RBPMS: variants seen among roughly 807,000 people sequenced by gnomAD.
RBPMS encodes the protein RNA-binding protein with multiple splicing.
In RBPMS, 7 loss-of-function variants were observed where a neutral mutation model predicts 26.8. That is an observed-to-expected ratio of 0.26 (90% CI 0.15 to 0.49). The LOEUF is 0.49. Among genes scored for constraint, RBPMS ranks in the 20% least tolerant of loss-of-function variants. The pLI, the probability that RBPMS is intolerant of heterozygous loss-of-function variation, is 0.98. For synonymous variants in RBPMS, 96 were observed against 93.3 expected (o/e 1.03, Z -0.17); for missense variants, 186 against 250.0 (o/e 0.74, Z 1.73).
At chr8:30,386,502 T>C (rs1250936414) in intron 1 of RBPMS, among the ~76,000 whole-genome samples, 1 of 152,260 alleles carries the variant, frequency 6.6e-6, no homozygotes, top group Non-Finnish European at 1.5e-5. Context: ...TCTATTTTAT[T>C]ATAAAAGACT....
Position 30,470,082 on chromosome 8 carries a change from A to C in RBPMS, c.67-4697A>C, listed in dbSNP as rs73568118. 7.3e-3 allele frequency among the ~76,000 whole-genome samples: 1,106 copies of C among 152,200 alleles called. 9 individuals are homozygous for C. The highest frequency in any genetic ancestry group is 0.024 in the African/African-American group (1,016 of 41,532). On this transcript the variant is annotated intron_variant, in intron 1 of 8. Coordinates refer to ENST00000397323, the MANE Select transcript of RBPMS (RefSeq NM_001008710.3). ...AAGAGTAGAGAAACTAAAATGTTTT[A>C]AAATATTTCTGTGATTCTAGGCCGG...
chr8:30,414,758 T>G (rs905141075), intron 1 of RBPMS, among the ~76,000 whole-genome samples: 1 of 152,120 alleles, frequency 6.6e-6, no homozygotes, highest in African/African-American at 2.4e-5. Context: ...GAAAATAAAG[T>G]ATGAGGAAGG....
intron 1 of RBPMS, among the ~76,000 whole-genome samples, chr8:30,451,438 C>T (rs181239995): frequency 4.5e-4 from 69 of 152,240 alleles, no homozygotes; most frequent in African/African-American, 1.6e-3. Flanking sequence ...TGTTTTGATA[C>T]AGGTCGTGTG....
At chr8:30,511,973 C>T (rs1315378029) in intron 5 of RBPMS, among the ~76,000 whole-genome samples, 1 of 152,132 alleles carries the variant, frequency 6.6e-6, no homozygotes, top group Non-Finnish European at 1.5e-5. Flanking sequence ...CTAAAACTAA[C>T]ATAGGAATGT....
intron 5 of RBPMS, among the ~76,000 whole-genome samples, chr8:30,522,583 A>G (rs1344834674): frequency 6.6e-6 from 1 of 152,218 alleles, no homozygotes; most frequent in Non-Finnish European, 1.5e-5. Context: ...TAAACAATAT[A>G]TGTCAATTTT....
intron 1 of RBPMS, among the ~76,000 whole-genome samples, chr8:30,470,708 A>G (rs1426146238): frequency 6.6e-6 from 1 of 152,206 alleles, no homozygotes; most frequent in Non-Finnish European, 1.5e-5. Flanking sequence ...ATGAGATTCT[A>G]GGTAACCTAA....
intron 4 of RBPMS, among the ~76,000 whole-genome samples, chr8:30,486,223 T>C (rs1033170297): frequency 2.0e-5 from 3 of 151,948 alleles, no homozygotes; most frequent in Admixed American, 2.0e-4. Flanking sequence ...TGGTAGCCTG[T>C]AATTCCCTTA....
intron 8 of RBPMS, among the ~76,000 whole-genome samples, chr8:30,567,602 T>C (rs1346292859): frequency 6.6e-6 from 1 of 151,974 alleles, no homozygotes; most frequent in Non-Finnish European, 1.5e-5. Context: ...TGCACATTTT[T>C]TTCCACTTAT....
rs574579513 is a variant in RBPMS, at chr8:30,556,441, C to T, written c.529-2446C>T. 1.6e-5 allele frequency: 16 copies of T among 985,852 alleles called. No homozygotes were observed. In the Admixed American group the frequency reaches 7.4e-4, roughly 45 times the overall value. The allele number at this position is 985,852 out of a possible 1,614,324, so 61.1% of individuals were successfully genotyped here. On this transcript the variant is annotated intron_variant, in intron 6 of 8. Transcript: ENST00000397323. ...AGAGGCTGGGGCAGGGCTTCCTTCTCGCAGTCACCTGCACCGAAAGCAGAA... is the reference window on the plus strand; with the variant it reads ...AGAGGCTGGGGCAGGGCTTCCTTCTTGCAGTCACCTGCACCGAAAGCAGAA...
intron 5 of RBPMS, chr8:30,537,712 C>T: frequency 2.2e-6 from 1 of 452,248 alleles, no homozygotes; most frequent in Admixed American, 2.4e-5. Context: ...TGTGTCTCAG[C>T]TTTCTCATAA....
intron 5 of RBPMS, among the ~76,000 whole-genome samples, chr8:30,514,268 G>T (rs930708461): frequency 1.3e-5 from 2 of 152,092 alleles, no homozygotes; most frequent in Non-Finnish European, 2.9e-5. Flanking sequence ...TGACAGAATG[G>T]GGAGTGTACA....
chr8:30,501,660 T>C (rs548175755), intron 4 of RBPMS, among the ~76,000 whole-genome samples: 5 of 152,286 alleles, frequency 3.3e-5, no homozygotes, highest in African/African-American at 1.2e-4. Context: ...TAGGACACCA[T>C]TTACATTTGG....
intron 1 of RBPMS, among the ~76,000 whole-genome samples, chr8:30,467,475 A>G (rs948027734): frequency 3.9e-5 from 6 of 152,190 alleles, no homozygotes; most frequent in African/African-American, 1.4e-4. Flanking sequence ...ACCCAAGTTT[A>G]TATTACATGG....
At chr8:30,552,817 TTTG>T (rs1173732343) in intron 6 of RBPMS, 1 of 152,198 alleles carries the variant, frequency 6.6e-6, no homozygotes, top group Non-Finnish European at 1.5e-5. Flanking sequence ...CCTGGAGGCT[TTTG>T]TTTCATTAAA....
intron 5 of RBPMS, among the ~76,000 whole-genome samples, chr8:30,530,903 G>A (rs762141485): frequency 6.6e-6 from 1 of 151,782 alleles, no homozygotes; most frequent in Non-Finnish European, 1.5e-5. Flanking sequence ...AAGTGACCAG[G>A]GACTTCAAAC....
intron 5 of RBPMS, among the ~76,000 whole-genome samples, chr8:30,520,347 C>T (rs1822896615): frequency 6.6e-6 from 1 of 152,016 alleles, no homozygotes; most frequent in African/African-American, 2.4e-5. Flanking sequence ...TTGTTTGTTG[C>T]ATCGTTGTTG....
intron 5 of RBPMS, 68 bp downstream of exon 5, chr8:30,504,504 T>G: frequency 6.7e-7 from 1 of 1,500,882 alleles, no homozygotes; most frequent in Non-Finnish European, 9.2e-7. Context: ...GCATGTGAGG[T>G]TACACCATGG....
At chr8:30,503,827 A>G (rs146198431) in intron 4 of RBPMS, among the ~76,000 whole-genome samples, 163 of 152,272 alleles carry the variant, frequency 1.1e-3, no homozygotes, top group Admixed American at 2.8e-3. Context: ...TTGGATGCTT[A>G]ATAATGAAGA....
At chr8:30,424,688 A>G (rs1811156879) in intron 1 of RBPMS, among the ~76,000 whole-genome samples, 1 of 152,186 alleles carries the variant, frequency 6.6e-6, no homozygotes, top group African/African-American at 2.4e-5. Context: ...GAGATATGAT[A>G]TGTAAAATGT....
Sources: gnomAD v4.1 joint callset for allele counts (sites outside exome capture counted in the v4.1 genomes callset) on GRCh38, gnomAD v4.1.1 for gene constraint, MANE v1.5 for transcripts, NCBI Gene and HGNC (gene_info 2026-07-23, HGNC 2026-07-21) for gene names.